The following ABL1 variants were observed in gnomAD, a reference collection of about 807,000 sequenced individuals.
ABL1 encodes tyrosine-protein kinase ABL1.
ABL1 carries 11 observed loss-of-function variants against 94.7 expected under a neutral mutation model. The observed-to-expected ratio is 0.12, with a 90% CI of 0.07 to 0.19. ABL1 has a LOEUF of 0.19. ABL1 is among the 10% of genes least tolerant of loss of function. The pLI is 1.00. For synonymous variants in ABL1, 656 were observed against 622.4 expected (o/e 1.05, Z -0.80); for missense variants, 1,082 against 1,489.4 (o/e 0.73, Z 4.50).
chr9:130,713,395 C>T (rs1156808037), exon 1 of ABL1, among the ~76,000 whole-genome samples: 1 of 152,170 alleles, frequency 6.6e-6, no homozygotes, highest in Admixed American at 6.5e-5. Context: ...TGGTCTGTTT[C>T]CCCCAGCTTG....
At chr9:130,734,826 T>C (rs1445743402) in intron 1 of ABL1, among the ~76,000 whole-genome samples, 1 of 152,134 alleles carries the variant, frequency 6.6e-6, no homozygotes, top group Admixed American at 6.6e-5. Context: ...CCAGCCTCTA[T>C]TGAATATTCT....
chr9:130,818,427 A>G (rs1225226442), intron 1 of ABL1, among the ~76,000 whole-genome samples: 1 of 152,184 alleles, frequency 6.6e-6, no homozygotes, highest in East Asian at 1.9e-4. Flanking sequence ...CTGAGATCAT[A>G]CTGCTGCACT....
chr9:130,820,460 C>A (rs1447575624), intron 1 of ABL1, among the ~76,000 whole-genome samples: 2 of 152,216 alleles, frequency 1.3e-5, no homozygotes, highest in Non-Finnish European at 2.9e-5. Context: ...TTTGAGTCAA[C>A]CTGTATTCCA....
intron 1 of ABL1, among the ~76,000 whole-genome samples, chr9:130,717,780 G>A (rs1831462602): frequency 6.6e-6 from 1 of 151,984 alleles, no homozygotes; most frequent in Non-Finnish European, 1.5e-5. Context: ...TTGGGAGGCC[G>A]AAGTGGGCAG....
At chr9:130,820,338 A>G (rs1002170397) in intron 1 of ABL1, among the ~76,000 whole-genome samples, 3 of 152,182 alleles carry the variant, frequency 2.0e-5, no homozygotes, top group African/African-American at 7.2e-5. Flanking sequence ...TGCAGGTTGG[A>G]AAGCTGCCAT....
At chr9:130,875,096 G>A (rs2133004027) in intron 7 of ABL1, 44 bp downstream of exon 7, 2 of 1,573,508 alleles carry the variant, frequency 1.3e-6, no homozygotes, top group African/African-American at 1.4e-5. Context: ...CTGACTACAG[G>A]AGGGTTTTTT....
intron 4 of ABL1, among the ~76,000 whole-genome samples, chr9:130,871,218 A>G (rs574288001): frequency 2.8e-4 from 43 of 152,298 alleles, no homozygotes; most frequent in Admixed American, 2.6e-3. Context: ...TCTTGTTCTG[A>G]TAGTCAGTTC....
chr9:130,727,729 C>T (rs1008832875), intron 1 of ABL1, among the ~76,000 whole-genome samples: 1 of 143,882 alleles, frequency 7.0e-6, no homozygotes, highest in Non-Finnish European at 1.5e-5. Flanking sequence ...GCACTCCAGC[C>T]TGGGTGACAG....
Position 130,835,827 on chromosome 9 carries a change from G to A in ABL1, c.79+302G>A, listed in dbSNP as rs963983917. 2.6e-5 allele frequency among the ~76,000 whole-genome samples: 4 copies of A among 151,856 alleles called. No individual in the cohort carries two copies. The highest frequency in any genetic ancestry group is 9.7e-5 in the African/African-American group (4 of 41,376). On this transcript the variant is annotated intron_variant, in intron 1 of 10. Coordinates refer to ENST00000318560, the MANE Select transcript of ABL1 (RefSeq NM_005157.6). This position sits in a 1 kb window ranked among gnomAD's most constrained non-coding sequence, Gnocchi z 4.6. The stretch of plus-strand genomic sequence containing the variant: ...CCGGCGGAGCGTGGCCCCCAGCCCC[G>A]GCACCAGCCCCGGTAGAGCCACGCC...
At chr9:130,833,884 G>A, upstream of ABL1, 1 of 394,674 alleles carries the variant, frequency 2.5e-6, no homozygotes, top group Admixed American at 2.7e-5. Context: ...AAGTAGCCAG[G>A]GTCTCATAAC....
Position 130,835,504 on chromosome 9 carries a change from T to A in ABL1, c.58T>A (p.Ser20Thr). Residue 20 changes from serine (S) to threonine (T), a missense_variant, in exon 1 of 11, where the codon TCC becomes ACC. Coordinates refer to ENST00000318560, the MANE Select transcript of ABL1 (RefSeq NM_005157.6). This position sits in a 1 kb window ranked among gnomAD's most constrained non-coding sequence, Gnocchi z 4.6. Reference sequence around the variant, plus strand: ...CAAATCCAAGAAGGGGCTGTCCTCGTCCTCCAGCTGTTATCTGGAAGGTAA... The same window carrying A: ...CAAATCCAAGAAGGGGCTGTCCTCGACCTCCAGCTGTTATCTGGAAGGTAA... ...GCKSKKGLSS[S>T]SSCYLEEALQ... The A allele has an allele frequency of 3.8e-6, 6 of 1,561,490 alleles. No homozygotes were observed. In the South Asian group the frequency reaches 7.1e-5, roughly 18 times the overall value.
At chr9:130,797,269 CTT>C (rs35485272) in intron 1 of ABL1, among the ~76,000 whole-genome samples, 7,204 of 105,516 alleles carry the variant, frequency 0.068, 658 homozygotes, top group East Asian at 0.23. Flanking sequence ...AAAAAAAGAA[CTT>C]TGAATAAACT....
intron 1 of ABL1, among the ~76,000 whole-genome samples, chr9:130,848,139 T>C (rs1830801515): frequency 6.6e-6 from 1 of 152,142 alleles, no homozygotes; most frequent in African/African-American, 2.4e-5. Flanking sequence ...GGCACTCAAG[T>C]GCCTTTTCAG....
upstream of ABL1, among the ~76,000 whole-genome samples, chr9:130,832,706 CTTTAA>C (rs1323537524): frequency 6.6e-6 from 1 of 152,218 alleles, no homozygotes. Flanking sequence ...AGTTCACAGT[CTTTAA>C]TTTCTTTCCT....
chr9:130,785,663 C>T (rs1187193390), intron 1 of ABL1, among the ~76,000 whole-genome samples: 1 of 152,084 alleles, frequency 6.6e-6, no homozygotes, highest in Non-Finnish European at 1.5e-5. Context: ...TGGCTCACAC[C>T]TGTAATCCCA....
intron 1 of ABL1, among the ~76,000 whole-genome samples, chr9:130,748,802 C>T (rs1229610952): frequency 6.6e-6 from 1 of 152,128 alleles, no homozygotes; most frequent in African/African-American, 2.4e-5. Flanking sequence ...GTCTCGAACT[C>T]CTGACCTCAT....
intron 1 of ABL1, among the ~76,000 whole-genome samples, chr9:130,751,838 A>G (rs1241681901): frequency 6.6e-6 from 1 of 152,212 alleles, no homozygotes; most frequent in Non-Finnish European, 1.5e-5. Flanking sequence ...TGGGCCTCCC[A>G]TCTGCTTTCC....
chr9:130,761,631 G>A (rs1253210474), intron 1 of ABL1, among the ~76,000 whole-genome samples: 1 of 152,158 alleles, frequency 6.6e-6, no homozygotes, highest in Non-Finnish European at 1.5e-5. Context: ...CACGCGTGGT[G>A]CCACTCCAGT....
chr9:130,871,138 G>T (rs903862031), intron 4 of ABL1, among the ~76,000 whole-genome samples: 1 of 152,188 alleles, frequency 6.6e-6, no homozygotes, highest in Non-Finnish European at 1.5e-5. Context: ...GAGGCATCTC[G>T]CTTCCTCCTT....
Sources: gnomAD v4.1 joint callset for allele counts (sites outside exome capture counted in the v4.1 genomes callset) on GRCh38, gnomAD v4.1.1 for gene constraint, Gnocchi (gnomAD v3.1) non-coding constraint, MANE v1.5 for transcripts, NCBI Gene and HGNC (gene_info 2026-07-23, HGNC 2026-07-21) for gene names.